Variants in PDE3A observed in about 807,000 individuals in gnomAD.
PDE3A encodes phosphodiesterase 3A.
PDE3A carries 43 observed loss-of-function variants against 98.3 expected under a neutral mutation model. The observed-to-expected ratio is 0.44, with a 90% CI of 0.34 to 0.56. PDE3A has a LOEUF of 0.56. Among genes scored for constraint, PDE3A ranks in the 20% least tolerant of loss-of-function variants. The probability of loss-of-function intolerance (pLI) is 0.01; values close to 1 mark genes in which losing one functional copy is unlikely to be tolerated. For synonymous variants in PDE3A, 663 were observed against 567.9 expected (o/e 1.17, Z -2.38); for missense variants, 1,427 against 1,440.7 (o/e 0.99, Z 0.15).
At chr12:20,435,382 T>A (rs895920965) in intron 1 of PDE3A, among the ~76,000 whole-genome samples, 9 of 151,606 alleles carry the variant, frequency 5.9e-5, no homozygotes, top group Non-Finnish European at 8.8e-5. Flanking sequence ...CTTCCAGATT[T>A]AAAAAAAAAT....
chr12:20,430,120 A>G (rs1212592239), intron 1 of PDE3A, among the ~76,000 whole-genome samples: 1 of 152,172 alleles, frequency 6.6e-6, no homozygotes, highest in Non-Finnish European at 1.5e-5. Flanking sequence ...CTATTTGTAC[A>G]AAGGCATTTT....
At chr12:20,634,150 C>G (rs751516595) in intron 7 of PDE3A, among the ~76,000 whole-genome samples, 2 of 152,072 alleles carry the variant, frequency 1.3e-5, no homozygotes, top group Non-Finnish European at 2.9e-5. Flanking sequence ...TTTTAAAACA[C>G]AAGAGGCCAT....
chr12:20,411,380 G>T (rs1944329605), intron 1 of PDE3A, among the ~76,000 whole-genome samples: 1 of 152,244 alleles, frequency 6.6e-6, no homozygotes, highest in South Asian at 2.1e-4. Context: ...GTACCTTTTA[G>T]AAGTAAAATA....
rs1232399739 is a variant in PDE3A, at chr12:20,479,535, C to T, written c.961-77125C>T. Among the ~76,000 whole-genome samples the T allele has an allele frequency of 6.6e-5, 10 of 152,152 alleles. 1 individual carries two copies. The highest frequency in any genetic ancestry group is 6.5e-4 in the Admixed American group (10 of 15,268). ...CCAGAACTGAAGAACTGTCCCTATC[C>T]CTTCTTGTGAGTTAAAAGGGAATTA... is the stretch of plus-strand genomic sequence containing the variant. On this transcript the variant is annotated intron_variant, in intron 1 of 15. Coordinates refer to ENST00000359062, the MANE Select transcript of PDE3A (RefSeq NM_000921.5).
chr12:20,573,588 G>T (rs1942855070), intron 2 of PDE3A, among the ~76,000 whole-genome samples: 1 of 151,958 alleles, frequency 6.6e-6, no homozygotes, highest in South Asian at 2.1e-4. Flanking sequence ...GTTCTAATTT[G>T]AAAAAGCCAC....
chr12:20,582,881 A>T (rs905636125), intron 2 of PDE3A, among the ~76,000 whole-genome samples: 2 of 152,256 alleles, frequency 1.3e-5, no homozygotes, highest in Non-Finnish European at 2.9e-5. Flanking sequence ...CAATCTTAAT[A>T]TGCAGAGGGA....
chr12:20,494,276 C>T (rs1302753256), intron 1 of PDE3A, among the ~76,000 whole-genome samples: 1 of 152,194 alleles, frequency 6.6e-6, no homozygotes, highest in African/African-American at 2.4e-5. Flanking sequence ...AGAGTTTTTA[C>T]ATGACCTTTA....
At chr12:20,504,900 C>T (rs1449129189) in intron 1 of PDE3A, among the ~76,000 whole-genome samples, 10 of 152,098 alleles carry the variant, frequency 6.6e-5, no homozygotes, top group Middle Eastern at 3.4e-3. Context: ...TTGCCATGTA[C>T]GATAACTTAT....
Position 20,519,853 on chromosome 12 carries a change from G to C in PDE3A, c.961-36807G>C, listed in dbSNP as rs1946390676. 2.0e-5 allele frequency among the ~76,000 whole-genome samples: 3 copies of C among 152,236 alleles called. No individual in the cohort carries two copies. The South Asian group carries it at 6.2e-4, about 32-fold the overall frequency. On this transcript the variant is annotated intron_variant, in intron 1 of 15. Transcript: ENST00000359062. ...GAGGCGGGTTTTGGAAGATGAGCTG[G>C]AGCTAGCAGAGGGGTGGTGAGGAAA... is the stretch of plus-strand genomic sequence containing the variant.
At chr12:20,653,875 G>T in intron 14 of PDE3A, 72 bp from the exon 15 acceptor site, 2 of 1,505,006 alleles carry the variant, frequency 1.3e-6, no homozygotes, top group East Asian at 4.5e-5. Context: ...GTGCATTAAT[G>T]CCTGGGGTTT....
At chr12:20,430,575 T>C (rs1439630618) in intron 1 of PDE3A, among the ~76,000 whole-genome samples, 1 of 152,146 alleles carries the variant, frequency 6.6e-6, no homozygotes, top group Non-Finnish European at 1.5e-5. Flanking sequence ...TATTTTCCTA[T>C]TGAAGAACAA....
At chr12:20,424,173 T>G (rs148612963) in intron 1 of PDE3A, among the ~76,000 whole-genome samples, 14 of 152,282 alleles carry the variant, frequency 9.2e-5, no homozygotes, top group Non-Finnish European at 1.5e-4. Flanking sequence ...TCTTAATACA[T>G]TGTAGCAATC....
intron 1 of PDE3A, among the ~76,000 whole-genome samples, chr12:20,515,909 T>G (rs1946313768): frequency 1.3e-5 from 2 of 150,414 alleles, no homozygotes; most frequent in Admixed American, 1.3e-4. Context: ...ATTTTTTGTA[T>G]TTTTAGTAGA....
intron 1 of PDE3A, among the ~76,000 whole-genome samples, chr12:20,386,082 A>AATATATATAAATATATAGAT (rs1472136882): frequency 2.9e-4 from 8 of 27,366 alleles, no homozygotes; most frequent in African/African-American, 7.3e-4. Context: ...AATATATATA[A>AATATATATAAATATATAGAT]ATATATAAAT....
chr12:20,489,876 G>T (rs988964250), intron 1 of PDE3A, among the ~76,000 whole-genome samples: 1 of 152,140 alleles, frequency 6.6e-6, no homozygotes, highest in African/African-American at 2.4e-5. Flanking sequence ...GAAACACAGG[G>T]CTGTGGAGGT....
intron 1 of PDE3A, among the ~76,000 whole-genome samples, chr12:20,496,726 A>G (rs1328208938): frequency 2.0e-5 from 3 of 152,202 alleles, no homozygotes; most frequent in Non-Finnish European, 4.4e-5. Flanking sequence ...GCTATGTTGG[A>G]TAGAAAAGAT....
At chr12:20,422,334 ACT>A (rs1235771949) in intron 1 of PDE3A, among the ~76,000 whole-genome samples, 1 of 151,242 alleles carries the variant, frequency 6.6e-6, no homozygotes, top group Non-Finnish European at 1.5e-5. Context: ...ACAGAGCGAG[ACT>A]CTGTCTCAAA....
intron 1 of PDE3A, among the ~76,000 whole-genome samples, chr12:20,401,552 GTCTACCACATTATTGCCC>G (rs1166129635): frequency 6.6e-6 from 1 of 151,806 alleles, no homozygotes; most frequent in Non-Finnish European, 1.5e-5. Context: ...TCCTACTTCT[GTCTACCACATTATTGCCC>G]TCTGCCCCTA....
At chr12:20,464,175 A>G (rs1011280288) in intron 1 of PDE3A, among the ~76,000 whole-genome samples, 2 of 152,174 alleles carry the variant, frequency 1.3e-5, no homozygotes, top group African/African-American at 4.8e-5. Flanking sequence ...AGTGCCCTGT[A>G]TCATTGAAAT....
Sources: allele counts gnomAD v4.1 joint callset (sites outside exome capture counted in the v4.1 genomes callset), GRCh38; gene constraint gnomAD v4.1.1; transcripts MANE v1.5; gene names NCBI Gene and HGNC (gene_info 2026-07-23, HGNC 2026-07-21).